The following ZNF236 variants were observed in gnomAD, a reference collection of about 807,000 sequenced individuals.
ZNF236 encodes the protein zinc finger protein 236.
Under a neutral mutation model 191.2 loss-of-function variants are expected in ZNF236, and 50 were observed. The ratio of observed to expected loss-of-function variants is 0.26; its 90% CI spans 0.21 to 0.33. The LOEUF (loss-of-function observed/expected upper bound fraction) is 0.33. Among genes scored for constraint, ZNF236 ranks in the 10% least tolerant of loss-of-function variants. ZNF236 has a pLI of 1.00. For missense variants in ZNF236, 1,754 were observed against 2,374.5 expected (o/e 0.74, Z 5.43); for synonymous variants, 907 against 928.8 (o/e 0.98, Z 0.43).
intron 6 of ZNF236, among the ~76,000 whole-genome samples, chr18:76,876,030 G>GA (rs1231942355): frequency 6.6e-6 from 1 of 151,820 alleles, no homozygotes. Context: ...ATAAAATTGG[G>GA]AAAAAAAAGT....
At chr18:76,854,651 A>C (rs1394437059) in intron 3 of ZNF236, among the ~76,000 whole-genome samples, 2 of 151,592 alleles carry the variant, frequency 1.3e-5, no homozygotes, top group African/African-American at 2.4e-5. Context: ...ATCATTGTTT[A>C]ACATTTACAT....
At chr18:76,867,227 G>GTTT (rs11386653) in intron 3 of ZNF236, among the ~76,000 whole-genome samples, 3,287 of 143,982 alleles carry the variant, frequency 0.023, 65 homozygotes, top group Non-Finnish European at 0.034. Context: ...GACTGCAGAG[G>GTTT]TTTTTTTTTT....
chr18:76,924,713 T>G (rs530971832), intron 21 of ZNF236, among the ~76,000 whole-genome samples: 1 of 152,206 alleles, frequency 6.6e-6, no homozygotes, highest in Non-Finnish European at 1.5e-5. Context: ...CATAGAACTT[T>G]CCTTTGCATA....
chr18:76,875,589 T>C lies in ZNF236; in HGVS notation c.765T>C (p.His255=), dbSNP rs1976690430. 1.2e-6 allele frequency: 2 copies of C among 1,607,430 alleles called. No individual in the cohort carries two copies. The highest frequency in any genetic ancestry group is 8.5e-7 in the Non-Finnish European group (1 of 1,176,736). The change falls in exon 6 of 31, where the codon CAT becomes CAC. Residue 255 remains histidine (H), a synonymous_variant. Coordinates refer to ENST00000320610, the MANE Select transcript of ZNF236 (RefSeq NM_001306089.2). The surrounding 1 kb of genome is among the most constrained non-coding windows in gnomAD (Gnocchi z 4.3). ...TCAAGCACACAGGTGAAAAACCCCA[T>C]GCCTGTGCCTTCTGTCCTGCCGCCT... is the stretch of plus-strand genomic sequence containing the variant. The part of the protein sequence containing the change: ...HMIKHTGEKP[H]ACAFCPAAFS...
intron 1 of ZNF236, among the ~76,000 whole-genome samples, chr18:76,848,124 A>G (rs1197996648): frequency 1.3e-5 from 2 of 152,204 alleles, no homozygotes; most frequent in African/African-American, 4.8e-5. Context: ...TACAAGGCAG[A>G]TTCAACTTTC....
At chr18:76,910,417 A>G (rs1967186630) in intron 15 of ZNF236, among the ~76,000 whole-genome samples, 1 of 152,146 alleles carries the variant, frequency 6.6e-6, no homozygotes, top group South Asian at 2.1e-4. Flanking sequence ...AAGGTGGCTG[A>G]GTAGAAATTG....
chr18:76,860,529 C>T (rs1976185754), intron 3 of ZNF236, among the ~76,000 whole-genome samples: 1 of 152,210 alleles, frequency 6.6e-6, no homozygotes. Flanking sequence ...CTTTCCAGAT[C>T]ACTTCCCACA....
At chr18:76,823,085 C>G (rs1418348058) in intron 1 of ZNF236, among the ~76,000 whole-genome samples, 1 of 150,514 alleles carries the variant, frequency 6.6e-6, no homozygotes, top group Non-Finnish European at 1.5e-5. Context: ...GAGCCCGGGC[C>G]TGCGGATACC....
intron 3 of ZNF236, among the ~76,000 whole-genome samples, chr18:76,860,148 G>A (rs114557624): frequency 0.012 from 1,776 of 152,250 alleles, 25 homozygotes; most frequent in African/African-American, 0.04. Flanking sequence ...ATGTTGAGCC[G>A]TGTGGTCTAG....
In ZNF236 at chr18:76,822,864, C is replaced by T. The variant is rs529895412; in HGVS notation, c.55+202C>T. Among the ~76,000 whole-genome samples the T allele has an allele frequency of 3.8e-3, 556 of 147,520 alleles. 2 individuals carry two copies. The highest frequency in any genetic ancestry group is 0.011 in the African/African-American group (446 of 41,016). On this transcript the variant is annotated intron_variant, in intron 1 of 30. Coordinates refer to ENST00000320610, the MANE Select transcript of ZNF236 (RefSeq NM_001306089.2). ...TGATACGGGCGAGTCGCCGCCCGGC[C>T]CCTCCGCGCGCTGGGCCTACTTTCC...
chr18:76,956,563 T>C (rs9965991), intron 28 of ZNF236, among the ~76,000 whole-genome samples: 1,535 of 152,292 alleles, frequency 0.01, 24 homozygotes, highest in African/African-American at 0.035. Flanking sequence ...TGTAGGGGCA[T>C]TGGGCAGCCC....
In ZNF236 at chr18:76,898,208, T is replaced by A. The variant is rs569212981; in HGVS notation, c.1691-811T>A. The A allele has an allele frequency of 2.0e-5, 3 of 152,340 alleles. 1 individual carries two copies. The highest frequency in any genetic ancestry group is 7.2e-5 in the African/African-American group (3 of 41,564). 9.4% of individuals were successfully genotyped at this position (152,340 alleles called of 1,614,324 possible). On this transcript the variant is annotated intron_variant, in intron 10 of 30. Coordinates refer to ENST00000320610, the MANE Select transcript of ZNF236 (RefSeq NM_001306089.2). ...TTTCATTACGGAGCTCCATTTTTTT[T>A]AATGACATATTTATTGAGATGTAAT... is the stretch of plus-strand genomic sequence containing the variant.
chr18:76,915,143 C>T (rs562832), intron 18 of ZNF236, among the ~76,000 whole-genome samples: 101,368 of 152,042 alleles, frequency 0.67, 34,425 homozygotes, highest in East Asian at 0.86. Context: ...TCTGTGTCAT[C>T]GGTCCAGAGG....
intron 2 of ZNF236, 140 bp downstream of exon 2, chr18:76,849,808 C>T (rs1176371572): frequency 3.5e-6 from 3 of 853,952 alleles, no homozygotes; most frequent in South Asian, 7.8e-5. Context: ...AATATTTTGG[C>T]CTTTTTAAAA....
chr18:76,955,269 A>G (rs1298365581), intron 27 of ZNF236, among the ~76,000 whole-genome samples: 1 of 150,972 alleles, frequency 6.6e-6, no homozygotes, highest in Non-Finnish European at 1.5e-5. Flanking sequence ...TTAGCTGGGC[A>G]TGATGGTGAG....
At chr18:76,909,414 T>G (rs1463867950) in intron 14 of ZNF236, among the ~76,000 whole-genome samples, 1 of 152,078 alleles carries the variant, frequency 6.6e-6, no homozygotes, top group Non-Finnish European at 1.5e-5. Flanking sequence ...ATCTTTCAAG[T>G]GTACATCTGT....
At chr18:76,836,416 G>C (rs1350075718) in intron 1 of ZNF236, among the ~76,000 whole-genome samples, 4 of 151,416 alleles carry the variant, frequency 2.6e-5, no homozygotes, top group African/African-American at 7.3e-5. Context: ...TTAAAGACAG[G>C]ATCTTGCTAT....
chr18:76,968,438 A>G lies in ZNF236; in HGVS notation c.*99A>G. The G allele has an allele frequency of 1.3e-6, 2 of 1,519,810 alleles. No individual in the cohort carries two copies. Among genetic ancestry groups the G allele is most frequent in the South Asian group, 2.5e-5 (2 of 78,580 alleles). The allele number at this position is 1,519,810 out of a possible 1,614,324, so 94.1% of individuals were successfully genotyped here. On this transcript the variant is annotated 3_prime_UTR_variant, in exon 31 of 31. Coordinates refer to ENST00000320610, the MANE Select transcript of ZNF236 (RefSeq NM_001306089.2). ...CGTTTTAAAGCTTCAAGTGTTAAAA[A>G]TGCTACAATAGTTTTTTATCTATAA... is the stretch of plus-strand genomic sequence containing the variant.
At chr18:76,942,280 G>C (rs997432515) in intron 26 of ZNF236, among the ~76,000 whole-genome samples, 1 of 152,160 alleles carries the variant, frequency 6.6e-6, no homozygotes, top group Non-Finnish European at 1.5e-5. Flanking sequence ...CCTGAACACT[G>C]CACTCTGTGC....
Sources: gnomAD v4.1 joint callset for allele counts (sites outside exome capture counted in the v4.1 genomes callset) on GRCh38, gnomAD v4.1.1 for gene constraint, Gnocchi (gnomAD v3.1) non-coding constraint, MANE v1.5 for transcripts, NCBI Gene and HGNC (gene_info 2026-07-23, HGNC 2026-07-21) for gene names.